Variants in WDR46 observed in about 807,000 individuals in gnomAD.
WDR46 encodes the protein WD repeat-containing protein 46.
A neutral mutation model predicts 74.7 loss-of-function variants in WDR46; 58 were observed. That is an observed-to-expected ratio of 0.78 (90% CI 0.63 to 0.97). The LOEUF is 0.97. Among genes scored for constraint, WDR46 ranks in the 50% least tolerant of loss-of-function variants. The pLI is 0.00. For missense variants in WDR46, 702 were observed against 790.1 expected (o/e 0.89, Z 1.34); for synonymous variants, 278 against 297.3 (o/e 0.93, Z 0.67).
At chr6:33,279,913 C>A (rs1002317453) in intron 12 of WDR46, 54 bp from the exon 13 acceptor site, 1 of 1,578,490 alleles carries the variant, frequency 6.3e-7, no homozygotes, top group Admixed American at 1.8e-5. Context: ...GAGGGTAGCA[C>A]CAAAAAGAGA....
chr6:33,289,081 C>T, intron 1 of WDR46, 21 bp downstream of exon 1: 1 of 1,567,294 alleles, frequency 6.4e-7, no homozygotes. Flanking sequence ...AACTTCGTTT[C>T]CCACCCAGGG....
chr6:33,284,655 A>C (rs1029003859), intron 10 of WDR46: 2 of 153,804 alleles, frequency 1.3e-5, no homozygotes, highest in Non-Finnish European at 1.5e-5. Flanking sequence ...AAGGCTTGGT[A>C]AACTACTGCC....
Position 33,288,162 on chromosome 6 carries a change from C to G in WDR46, c.547G>C (p.Ala183Pro). The change falls in exon 5 of 15, where the codon GCA becomes CCA. Residue 183 changes from alanine to proline, a missense_variant. Physicochemically the swap from Ala to Pro is conservative, Grantham distance 27. Coordinates refer to ENST00000374617, the MANE Select transcript of WDR46 (RefSeq NM_005452.6). ...CTCAGGCTCACCTTGGCTGCACTTG[C>G]AATGTCCACAGCCTCCACAATGTCA... ...QADIVEAVDI[A>P]SAAKHFDLNL... 4 of 1,614,246 alleles carry G rather than the reference C, an allele frequency of 2.5e-6. No homozygotes were observed. The highest frequency in any genetic ancestry group is 3.4e-6 in the Non-Finnish European group (4 of 1,180,038).
In WDR46 at chr6:33,288,697, A is replaced by G. The variant is rs766925638; in HGVS notation, c.280-3T>C. On this transcript the variant is annotated splice_region_variant and splice_polypyrimidine_tract_variant and intron_variant, in intron 2 of 14. Coordinates refer to ENST00000374617, the MANE Select transcript of WDR46 (RefSeq NM_005452.6). ...GGGCCTGGGAATGGATCTTGGGTCTAGGGGAAAGGAGGACGCAATTAGCAG... is the reference window on the plus strand; with the variant it reads ...GGGCCTGGGAATGGATCTTGGGTCTGGGGGAAAGGAGGACGCAATTAGCAG... 1.2e-6 allele frequency: 2 copies of G among 1,613,178 alleles called. No homozygotes were observed. The highest frequency in any genetic ancestry group is 1.1e-5 in the South Asian group (1 of 91,018).
chr6:33,283,153 G>A (rs575579627), intron 10 of WDR46, among the ~76,000 whole-genome samples: 7 of 151,882 alleles, frequency 4.6e-5, no homozygotes, highest in Admixed American at 6.6e-5. Context: ...AGGTTGCAGT[G>A]AGCCGAGACC....
chr6:33,282,776 G>C (rs1445065140), intron 10 of WDR46, among the ~76,000 whole-genome samples: 1 of 152,238 alleles, frequency 6.6e-6, no homozygotes, highest in East Asian at 1.9e-4. Context: ...GACCCAGGTA[G>C]CCCACGGAGG....
intron 6 of WDR46, 68 bp downstream of exon 6, chr6:33,287,897 C>T (rs762074670): frequency 5.7e-6 from 9 of 1,590,352 alleles, no homozygotes; most frequent in Non-Finnish European, 7.8e-6. Flanking sequence ...CCCAAACATA[C>T]ACTGGGAATG....
intron 10 of WDR46, chr6:33,284,711 G>C (rs1766467855): frequency 6.5e-6 from 1 of 153,690 alleles, no homozygotes; most frequent in South Asian, 2.1e-4. Context: ...TAGCCCACAA[G>C]CCAAGAATGG....
At chr6:33,285,770 C>T (rs1236752553) in intron 10 of WDR46, among the ~76,000 whole-genome samples, 2 of 152,016 alleles carry the variant, frequency 1.3e-5, no homozygotes, top group Admixed American at 6.5e-5. Context: ...GGCGATCCAC[C>T]CGCCTTGGCC....
At chr6:33,282,623 G>A (rs1766286436) in intron 10 of WDR46, among the ~76,000 whole-genome samples, 1 of 152,212 alleles carries the variant, frequency 6.6e-6, no homozygotes, top group African/African-American at 2.4e-5. Context: ...GAGCCCCCGT[G>A]GCCTGACAAG....
chr6:33,288,913 C>G lies in WDR46; in HGVS notation c.170G>C (p.Arg57Thr). ...NKKNRELRPQRPKNAYILKKS... is the reference protein window; with the variant it reads ...NKKNRELRPQTPKNAYILKKS... The stretch of plus-strand genomic sequence containing the variant: ...CTTTAAGATGTAAGCATTTTTTGGT[C>G]TCTGAGGACGGAGCTCCCGATTCTT... The change falls in exon 2 of 15, where the codon AGA becomes ACA. Residue 57 changes from arginine to threonine, a missense_variant. Physicochemically the swap from Arg to Thr is moderately conservative, Grantham distance 71. Transcript: ENST00000374617. The G allele has an allele frequency of 6.2e-7, 1 of 1,614,004 alleles. No individual in the cohort carries two copies. The highest frequency in any genetic ancestry group is 8.5e-7 in the Non-Finnish European group (1 of 1,179,984).
chr6:33,281,043 C>T, intron 10 of WDR46, 56 bp from the exon 11 acceptor site: 1 of 1,524,828 alleles, frequency 6.6e-7, no homozygotes, highest in Non-Finnish European at 8.8e-7. Context: ...ACCAAGCAAG[C>T]TGTGGCCAAG....
chr6:33,285,186 A>G (rs1010706835), intron 10 of WDR46, among the ~76,000 whole-genome samples: 8 of 95,766 alleles, frequency 8.4e-5, no homozygotes, highest in African/African-American at 4.3e-4. Flanking sequence ...TCTGTATTAC[A>G]CAAATATATT....
intron 8 of WDR46, 27 bp from the exon 9 acceptor site, chr6:33,287,253 C>T (rs774116217): frequency 1.2e-6 from 2 of 1,613,154 alleles, no homozygotes; most frequent in Non-Finnish European, 8.5e-7. Context: ...GAGAGAATGA[C>T]CCAGTCCTGA....
chr6:33,283,075 G>A (rs1050999828), intron 10 of WDR46, among the ~76,000 whole-genome samples: 1 of 152,164 alleles, frequency 6.6e-6, no homozygotes, highest in Non-Finnish European at 1.5e-5. Context: ...CGGGTGTGGT[G>A]GCACACACCT....
At chr6:33,282,931 G>T (rs2150900024) in intron 10 of WDR46, among the ~76,000 whole-genome samples, 1 of 152,324 alleles carries the variant, frequency 6.6e-6, no homozygotes, top group South Asian at 2.1e-4. Flanking sequence ...AATTACAAAG[G>T]CCAGACACGG....
At chr6:33,280,302 CCTT>C (rs2150894195) in intron 12 of WDR46, 123 bp downstream of exon 12, 1 of 960,630 alleles carries the variant, frequency 1.0e-6, no homozygotes, top group East Asian at 2.6e-5. Flanking sequence ...GGGAACCTGA[CCTT>C]CTCCAGCAGG....
In WDR46 at chr6:33,288,482, T is replaced by C. The variant is rs1258175896; in HGVS notation, c.361-12A>G. 1 of 1,613,982 alleles carries C rather than the reference T, an allele frequency of 6.2e-7. No homozygotes were observed. Among genetic ancestry groups the C allele is most frequent in the Non-Finnish European group, 8.5e-7 (1 of 1,179,930 alleles). On this transcript the variant is annotated splice_polypyrimidine_tract_variant and intron_variant, in intron 3 of 14. Coordinates refer to ENST00000374617, the MANE Select transcript of WDR46 (RefSeq NM_005452.6). Reference sequence around the variant, plus strand: ...TTAGAATGTGGTAGCTGTAACATTGTTGGTGGGGAGGAGTGGCAGAAGAAC... The same window carrying C: ...TTAGAATGTGGTAGCTGTAACATTGCTGGTGGGGAGGAGTGGCAGAAGAAC...
At chr6:33,280,126 C>CACCCTCTCCAGCAGAGGGAAACCTG (rs1180908362) in intron 12 of WDR46, among the ~76,000 whole-genome samples, 11 of 144,684 alleles carry the variant, frequency 7.6e-5, no homozygotes, top group African/African-American at 2.8e-4. Context: ...GAGGGAATTT[C>CACCCTCTCCAGCAGAGGGAAACCTG]ACCCTCTCCA....
Sources: gnomAD v4.1 joint callset for allele counts (sites outside exome capture counted in the v4.1 genomes callset) on GRCh38, gnomAD v4.1.1 for gene constraint, MANE v1.5 for transcripts, NCBI Gene and HGNC (gene_info 2026-07-23, HGNC 2026-07-21) for gene names.